RABGAP1: variants seen among roughly 807,000 people sequenced by gnomAD.
The protein encoded by RABGAP1 is rab GTPase-activating protein 1.
In RABGAP1, 23 loss-of-function variants were observed where a neutral mutation model predicts 137.6. The ratio of observed to expected loss-of-function variants is 0.17; its 90% confidence interval spans 0.12 to 0.24. The LOEUF (loss-of-function observed/expected upper bound fraction) is 0.24, where lower values mean the gene tolerates loss of function less well. Ranked by LOEUF, RABGAP1 falls within the 10% of genes least tolerant of loss-of-function variation. RABGAP1 has a pLI of 1.00. For synonymous variants in RABGAP1, 451 were observed against 450.7 expected, an observed-to-expected ratio of 1.00 and a Z score of -0.01; for missense variants, 906 against 1,275.8, an observed-to-expected ratio of 0.71 and a Z score of 4.42.
At position 123,025,543 on chromosome 9, in the gene RABGAP1, C is replaced by CTTTTTCT. The variant is rs1554719838; in HGVS notation, c.1794+5089_1794+5090insCTTTTTT. Among the ~76,000 whole-genome samples, 8 of 75,014 alleles carry CTTTTTCT rather than the reference C, an allele frequency of 1.1e-4. 1 individual carries two copies. Among genetic ancestry groups the CTTTTTCT allele is most frequent in the East Asian group, 2.9e-4 (1 of 3,400 alleles). 49.2% of individuals were successfully genotyped at this position (75,014 alleles called of 152,430 possible). On this transcript the variant is annotated intron_variant, in intron 13 of 25. Transcript: ENST00000373647. ...TTTTATTTGTTCAGATCTTTCTTTT[C>CTTTTTCT]TTTTTTTTTTTTTTTTTGCCTTCAA...
chr9:123,006,429 T>C (rs1040276771), intron 10 of RABGAP1, among the ~76,000 whole-genome samples: 2 of 152,188 alleles, frequency 1.3e-5, no homozygotes, highest in African/African-American at 4.8e-5. Flanking sequence ...AAATGGCTAT[T>C]CTCTTGTCCC....
At chr9:122,941,264 TG>T (rs979735678) in intron 1 of RABGAP1, among the ~76,000 whole-genome samples, 171 bp downstream of exon 1, 1 of 152,016 alleles carries the variant, frequency 6.6e-6, no homozygotes, top group African/African-American at 2.4e-5. Context: ...GAGCCGTGAT[TG>T]GGGGGAGGGG....
chr9:123,034,581 G>A, intron 13 of RABGAP1: 1 of 1,603,172 alleles, frequency 6.2e-7, no homozygotes, highest in African/African-American at 1.3e-5. Flanking sequence ...ACTCCACCTT[G>A]GATGGTAATC....
At chr9:123,058,632 G>T (rs1588352836) in intron 13 of RABGAP1, among the ~76,000 whole-genome samples, 1 of 152,038 alleles carries the variant, frequency 6.6e-6, no homozygotes, top group Admixed American at 6.6e-5. Context: ...TTAGCATGAG[G>T]CGTTAATTCT....
chr9:122,950,646 G>A (rs902015727), intron 1 of RABGAP1, among the ~76,000 whole-genome samples: 1 of 152,090 alleles, frequency 6.6e-6, no homozygotes, highest in African/African-American at 2.4e-5. Flanking sequence ...CCTGTCAAAG[G>A]TAAGGAGTGT....
intron 19 of RABGAP1, among the ~76,000 whole-genome samples, chr9:123,079,579 G>GT (rs1383002198): frequency 6.6e-6 from 1 of 152,090 alleles, no homozygotes; most frequent in Non-Finnish European, 1.5e-5. Flanking sequence ...GATGTGAACG[G>GT]TTTTATACAT....
intron 2 of RABGAP1, among the ~76,000 whole-genome samples, chr9:122,983,554 T>C (rs1020676787): frequency 6.6e-6 from 1 of 152,224 alleles, no homozygotes; most frequent in Non-Finnish European, 1.5e-5. Context: ...ACCTCTGTTA[T>C]TGGAATATTG....
intron 13 of RABGAP1, among the ~76,000 whole-genome samples, chr9:123,065,005 C>T (rs929896038): frequency 1.3e-5 from 2 of 152,114 alleles, no homozygotes; most frequent in African/African-American, 4.8e-5. Context: ...CCTCCTTTTG[C>T]GATTAGTTTG....
intron 1 of RABGAP1, among the ~76,000 whole-genome samples, chr9:122,942,447 G>A (rs566041694): frequency 3.9e-5 from 6 of 152,178 alleles, no homozygotes; most frequent in Admixed American, 3.9e-4. Flanking sequence ...TGAGGCGGGT[G>A]GATCACAAGG....
chr9:123,045,062 G>T (rs913092234), intron 13 of RABGAP1, among the ~76,000 whole-genome samples: 6 of 152,162 alleles, frequency 3.9e-5, no homozygotes, highest in African/African-American at 1.2e-4. Context: ...TGAAAGATTT[G>T]TTGGCTTGTT....
chr9:123,064,504 A>G (rs2034103265), intron 13 of RABGAP1, among the ~76,000 whole-genome samples: 1 of 152,222 alleles, frequency 6.6e-6, no homozygotes, highest in South Asian at 2.1e-4. Flanking sequence ...AAACAGAGGT[A>G]TCATGTTCTT....
At position 123,060,626 on chromosome 9, in the gene RABGAP1, C is replaced by A. The variant is rs1198483019; in HGVS notation, c.1795-4722C>A. Among the ~76,000 whole-genome samples, 5 of 152,266 alleles carry A rather than the reference C, an allele frequency of 3.3e-5. No individual in the cohort carries two copies. The East Asian group carries it at 9.6e-4, about 29-fold the overall frequency. ...CACCCATTAGCAACCATTGAGAGTT[C>A]CAGTAATTTCATATTCTCACCAACA... On this transcript the variant is annotated intron_variant, in intron 13 of 25. Transcript: ENST00000373647.
intron 14 of RABGAP1, among the ~76,000 whole-genome samples, chr9:123,067,855 C>T (rs906297617): frequency 5.3e-5 from 8 of 152,136 alleles, no homozygotes; most frequent in Non-Finnish European, 1.2e-4. Context: ...CTTTATCGTC[C>T]ATCAGCCTGA....
chr9:123,093,369 G>GTT (rs1336593130), intron 21 of RABGAP1, among the ~76,000 whole-genome samples: 1 of 152,192 alleles, frequency 6.6e-6, no homozygotes, highest in Non-Finnish European at 1.5e-5. Context: ...TGACACTGGT[G>GTT]TTAAAAGGAT....
chr9:122,950,870 T>C (rs184330454), intron 1 of RABGAP1, among the ~76,000 whole-genome samples: 1 of 152,218 alleles, frequency 6.6e-6, no homozygotes, highest in Admixed American at 6.5e-5. Context: ...ATTTTAAAAA[T>C]AGAAGAAAAG....
intron 19 of RABGAP1, 26 bp from the exon 20 acceptor site, chr9:123,089,732 A>G (rs1216185743): frequency 6.3e-7 from 1 of 1,583,684 alleles, no homozygotes; most frequent in African/African-American, 1.4e-5. Context: ...AATACTTCTT[A>G]ATTTACCCTA....
At position 123,089,898 on chromosome 9, in the gene RABGAP1, T is replaced by C. The variant is rs776373187; in HGVS notation, c.2517+48T>C. ...TGTGAGGAGCTCCCATGCTTTCATT[T>C]CATATGATTGCGCCTGTAACTAGCT... On this transcript the variant is annotated intron_variant, in intron 20 of 25. Transcript: ENST00000373647. 3.3e-6 allele frequency: 5 copies of C among 1,492,634 alleles called. No homozygotes were observed. In the Admixed American group the frequency reaches 8.6e-5, roughly 26 times the overall value. The allele number at this position is 1,492,634 out of a possible 1,614,324, so 92.5% of individuals were successfully genotyped here.
In RABGAP1 at chr9:123,070,230, A is replaced by G; in HGVS notation, c.1909-120A>G. ...TATTGGCACCACTTACTGTCTGTCAAAATGCTGTCCCAGTGTGGGTAGCAT... is the reference window on the plus strand; with the variant it reads ...TATTGGCACCACTTACTGTCTGTCAGAATGCTGTCCCAGTGTGGGTAGCAT... On this transcript the variant is annotated intron_variant, in intron 14 of 25. Transcript: ENST00000373647. This position sits in a 1 kb window ranked among gnomAD's most constrained non-coding sequence, Gnocchi z 4.4. 9 of 1,503,458 alleles carry G rather than the reference A, an allele frequency of 6.0e-6. No individual in the cohort carries two copies. The highest frequency in any genetic ancestry group is 2.3e-5 in the East Asian group (1 of 42,882). 93.1% of individuals were successfully genotyped at this position (1,503,458 alleles called of 1,614,324 possible). A position where few individuals can be genotyped will look rare whatever the true frequency, so the allele number is the denominator to read the frequency against.
chr9:122,958,761 C>T (rs189183414), intron 2 of RABGAP1, among the ~76,000 whole-genome samples: 24 of 152,190 alleles, frequency 1.6e-4, no homozygotes, highest in Admixed American at 4.6e-4. Flanking sequence ...ATAATCCCAA[C>T]GCTTTGGGAG....
Sources: gnomAD v4.1 joint callset for allele counts (sites outside exome capture counted in the v4.1 genomes callset) on GRCh38, gnomAD v4.1.1 for gene constraint, Gnocchi (gnomAD v3.1) non-coding constraint, MANE v1.5 for transcripts, NCBI Gene and HGNC (gene_info 2026-07-23, HGNC 2026-07-21) for gene names.